The following PEPD variants were observed in gnomAD, a reference collection of about 807,000 sequenced individuals.
The protein encoded by PEPD is xaa-Pro dipeptidase.
Under a neutral mutation model 60.7 loss-of-function variants are expected in PEPD, and 53 were observed. The observed-to-expected ratio is 0.87, with a 90% CI of 0.70 to 1.10. The LOEUF is 1.10. Ranked by LOEUF, PEPD falls within the 50% of genes least tolerant of loss-of-function variation. The pLI is 0.00. For missense variants in PEPD, 711 were observed against 711.9 expected, an observed-to-expected ratio of 1.00 and a Z score of 0.01; for synonymous variants, 267 against 284.1, an observed-to-expected ratio of 0.94 and a Z score of 0.60.
chr19:33,428,478 G>A (rs1376324565), intron 9 of PEPD, among the ~76,000 whole-genome samples: 1 of 152,184 alleles, frequency 6.6e-6, no homozygotes, highest in Non-Finnish European at 1.5e-5. Context: ...CATGGCTAGA[G>A]GGGTCTCAGT....
intron 9 of PEPD, among the ~76,000 whole-genome samples, chr19:33,424,033 G>T (rs1465516375): frequency 6.6e-6 from 1 of 152,236 alleles, no homozygotes; most frequent in Non-Finnish European, 1.5e-5. Context: ...CTGGCTTGGA[G>T]CACCATCTTG....
chr19:33,416,256 C>T (rs566109811), intron 9 of PEPD, among the ~76,000 whole-genome samples: 38 of 152,282 alleles, frequency 2.5e-4, no homozygotes, highest in South Asian at 1.0e-3. Context: ...CAGCCTGTCC[C>T]GTGGATGACC....
chr19:33,414,583 C>T lies in PEPD; in HGVS notation c.672-940G>A, dbSNP rs1968848007. 2.0e-5 allele frequency among the ~76,000 whole-genome samples: 3 copies of T among 149,580 alleles called. No individual in the cohort carries two copies. In the South Asian group the frequency reaches 6.4e-4, roughly 32 times the overall value. On this transcript the variant is annotated intron_variant, in intron 9 of 14. Transcript: ENST00000244137. ...CACCACGTGAGACAGGCCCAGGTGGCCCCCACCCGCCCACCCCCGACCAGG... is the reference window on the plus strand; with the variant it reads ...CACCACGTGAGACAGGCCCAGGTGGTCCCCACCCGCCCACCCCCGACCAGG...
At chr19:33,498,122 G>A (rs922370468) in intron 4 of PEPD, among the ~76,000 whole-genome samples, 7 of 152,064 alleles carry the variant, frequency 4.6e-5, no homozygotes, top group Non-Finnish European at 8.8e-5. Context: ...TGGAGCCCAC[G>A]TGGGCCGCCC....
At chr19:33,501,073 C>T in intron 3 of PEPD, 72 bp from the exon 4 acceptor site, 1 of 919,546 alleles carries the variant, frequency 1.1e-6, no homozygotes, top group Non-Finnish European at 1.8e-6. Context: ...TTCCTGCCTG[C>T]CAAGCCCAGG....
chr19:33,520,799 G>A (rs1971117012), intron 1 of PEPD, among the ~76,000 whole-genome samples: 1 of 151,044 alleles, frequency 6.6e-6, no homozygotes, highest in Non-Finnish European at 1.5e-5. Context: ...CTACCCCACT[G>A]TACCACCAGA....
At chr19:33,394,118 T>C (rs1040364883) in intron 12 of PEPD, among the ~76,000 whole-genome samples, 1 of 152,188 alleles carries the variant, frequency 6.6e-6, no homozygotes, top group Non-Finnish European at 1.5e-5. Context: ...TGAGTGCCCC[T>C]CAGGTCTCCC....
In PEPD at chr19:33,502,078, C is replaced by T. The variant is rs1175665549; in HGVS notation, c.330-1077G>A. 2.6e-5 allele frequency among the ~76,000 whole-genome samples: 4 copies of T among 152,190 alleles called. No individual in the cohort carries two copies. In the South Asian group the frequency reaches 6.2e-4, roughly 24 times the overall value. Reference sequence around the variant, plus strand: ...GGTCCAGCAAGCCACCACCCCCAGGCTCTTGGTCAGGAGATAAGTCAATGT... The same window carrying T: ...GGTCCAGCAAGCCACCACCCCCAGGTTCTTGGTCAGGAGATAAGTCAATGT... On this transcript the variant is annotated intron_variant, in intron 3 of 14. Coordinates refer to ENST00000244137, the MANE Select transcript of PEPD (RefSeq NM_000285.4).
At chr19:33,517,560 AAAAAAAC>A (rs147946504) in intron 1 of PEPD, among the ~76,000 whole-genome samples, 11,576 of 151,616 alleles carry the variant, frequency 0.076, 511 homozygotes, top group Non-Finnish European at 0.11. Context: ...CTCCGTTTCA[AAAAAAAC>A]AAAAAACAAA....
intron 3 of PEPD, among the ~76,000 whole-genome samples, chr19:33,505,238 G>A (rs898637628): frequency 3.6e-4 from 55 of 151,910 alleles, no homozygotes; most frequent in African/African-American, 1.3e-3. Flanking sequence ...ATGCTGCCTC[G>A]CCGACTCTCA....
intron 4 of PEPD, among the ~76,000 whole-genome samples, chr19:33,500,000 G>A (rs950148764): frequency 1.3e-5 from 2 of 152,210 alleles, no homozygotes; most frequent in East Asian, 1.9e-4. Context: ...CTGCTTGGCC[G>A]CCAGAACTGG....
rs76158607 is a variant in PEPD, at chr19:33,429,883, G to A, written c.672-16240C>T. On this transcript the variant is annotated intron_variant, in intron 9 of 14. Transcript: ENST00000244137. ...ATACTTACAAGAGAAGTTTAAGCTC[G>A]TCAGTAATCAAATCAGCAAAAATAA... Among the ~76,000 whole-genome samples the A allele has an allele frequency of 2.2e-3, 342 of 152,316 alleles. 2 individuals are homozygous for A. The highest frequency in any genetic ancestry group is 7.8e-3 in the African/African-American group (326 of 41,566).
chr19:33,439,429 G>A (rs993091228), intron 9 of PEPD, among the ~76,000 whole-genome samples: 2 of 152,214 alleles, frequency 1.3e-5, no homozygotes, highest in African/African-American at 2.4e-5. Context: ...AGGCGGGTCC[G>A]AGTAAAGACT....
chr19:33,455,048 G>C (rs994541978), intron 9 of PEPD, among the ~76,000 whole-genome samples: 3 of 152,224 alleles, frequency 2.0e-5, no homozygotes, highest in Non-Finnish European at 4.4e-5. Flanking sequence ...CAGCCCAGAG[G>C]AGGCTAAGGA....
chr19:33,419,940 C>G (rs183781166), intron 9 of PEPD, among the ~76,000 whole-genome samples: 1 of 152,204 alleles, frequency 6.6e-6, no homozygotes, highest in Non-Finnish European at 1.5e-5. Flanking sequence ...AAGACAGCAG[C>G]GGTCACAGCA....
Position 33,458,800 on chromosome 19 carries a change from A to AG in PEPD, c.671+4194dup, listed in dbSNP as rs1969872055. On this transcript the variant is annotated intron_variant, in intron 9 of 14. Transcript: ENST00000244137. Reference sequence around the variant, plus strand: ...GGGGTGTGTGAGGTGTGTGTGGTATAGGGCATGTGTGTGGTGTATGTGGAG... The same window carrying AG: ...GGGGTGTGTGAGGTGTGTGTGGTATAGGGGCATGTGTGTGGTGTATGTGGAG... Among the ~76,000 whole-genome samples the AG allele has an allele frequency of 5.7e-4, 24 of 42,386 alleles. 2 individuals carry two copies. Among genetic ancestry groups the AG allele is most frequent in the East Asian group, 1.4e-3 (2 of 1,388 alleles). The allele number at this position is 42,386 out of a possible 152,430, so 27.8% of individuals were successfully genotyped here.
chr19:33,422,385 CCCAT>C (rs1044733499), intron 9 of PEPD, among the ~76,000 whole-genome samples: 5 of 151,574 alleles, frequency 3.3e-5, no homozygotes, highest in Admixed American at 6.6e-5. Flanking sequence ...CATCCATCTA[CCCAT>C]CCATCCATCT....
At chr19:33,402,202 T>C (rs937784525) in intron 11 of PEPD, among the ~76,000 whole-genome samples, 4 of 151,922 alleles carry the variant, frequency 2.6e-5, no homozygotes, top group African/African-American at 9.7e-5. Context: ...CTCAGAGCCA[T>C]GGAGAATTGT....
At chr19:33,387,591 T>C in intron 14 of PEPD, 110 bp from the exon 15 acceptor site, 1 of 1,416,560 alleles carries the variant, frequency 7.1e-7, no homozygotes, top group South Asian at 1.2e-5. Context: ...CAGCTGACAC[T>C]CCCTGGGAGA....
Sources: gnomAD v4.1 joint callset for allele counts (sites outside exome capture counted in the v4.1 genomes callset) on GRCh38, gnomAD v4.1.1 for gene constraint, MANE v1.5 for transcripts, NCBI Gene and HGNC (gene_info 2026-07-23, HGNC 2026-07-21) for gene names.